The following CSTPP1 variants were observed in gnomAD, a reference collection of about 807,000 sequenced individuals.
CSTPP1 encodes UPF0705 protein C11orf49.
the CSTPP1 span, among the ~76,000 whole-genome samples, chr11:47,030,255 C>G: frequency 6.6e-6 from 1 of 152,134 alleles, no homozygotes; most frequent in Non-Finnish European, 1.5e-5. Context: ...GGAGAATGGC[C>G]TAGGAAGACT....
At chr11:47,112,227 A>C in the CSTPP1 span, among the ~76,000 whole-genome samples, 1 of 152,074 alleles carries the variant, frequency 6.6e-6, no homozygotes, top group Non-Finnish European at 1.5e-5. Context: ...CATATTCCCT[A>C]TCTCTGACTT....
chr11:47,050,834 T>C, the CSTPP1 span, among the ~76,000 whole-genome samples: 2 of 152,220 alleles, frequency 1.3e-5, no homozygotes, highest in African/African-American at 2.4e-5. Flanking sequence ...GCCCCTCTTC[T>C]AACCTAATCT....
At chr11:47,018,347 T>G in the CSTPP1 span, among the ~76,000 whole-genome samples, 1 of 144,566 alleles carries the variant, frequency 6.9e-6, no homozygotes, top group Non-Finnish European at 1.5e-5. Context: ...CAGGCTGGAA[T>G]GCAGTGGTGC....
the CSTPP1 span, among the ~76,000 whole-genome samples, chr11:47,013,246 T>G: frequency 1.3e-5 from 2 of 149,540 alleles, no homozygotes; most frequent in Non-Finnish European, 3.0e-5. Flanking sequence ...TTGTTGTTGT[T>G]TTGTTTTGTT....
At chr11:47,162,311 C>G in the CSTPP1 span, 6 of 956,216 alleles carry the variant, frequency 6.3e-6, no homozygotes, top group African/African-American at 1.1e-4. Flanking sequence ...GTTTTCGGTG[C>G]TTTTCTGGTA....
chr11:47,055,354 T>TCCCTC, the CSTPP1 span, among the ~76,000 whole-genome samples: 1 of 64,646 alleles, frequency 1.5e-5, no homozygotes, highest in Non-Finnish European at 3.1e-5. Context: ...TTCCCCTCCC[T>TCCCTC]CCCTCCCCTC....
At chr11:47,162,195 C>G in the CSTPP1 span, 100 of 985,518 alleles carry the variant, frequency 1.0e-4, 3 homozygotes, top group East Asian at 4.5e-3. Context: ...CCCTTTGTGT[C>G]TAATAGCTAA....
the CSTPP1 span, among the ~76,000 whole-genome samples, chr11:47,088,409 C>T: frequency 6.6e-6 from 1 of 152,048 alleles, no homozygotes; most frequent in Non-Finnish European, 1.5e-5. Flanking sequence ...TTCTTAGATT[C>T]CTGGAAAACA....
At chr11:47,063,128 CTCTT>C in the CSTPP1 span, among the ~76,000 whole-genome samples, 5 of 152,116 alleles carry the variant, frequency 3.3e-5, no homozygotes, top group African/African-American at 1.2e-4. Context: ...TTAATAGATT[CTCTT>C]TCTCTTTTCT....
chr11:47,029,923 C>A, the CSTPP1 span, among the ~76,000 whole-genome samples: 2 of 148,806 alleles, frequency 1.3e-5, no homozygotes, highest in Non-Finnish European at 3.0e-5. Flanking sequence ...CATAGTGAGG[C>A]CTCGTCTCTA....
the CSTPP1 span, among the ~76,000 whole-genome samples, chr11:47,067,663 C>A: frequency 2.0e-5 from 3 of 152,208 alleles, no homozygotes; most frequent in Non-Finnish European, 4.4e-5. Context: ...AGGAGAGAGC[C>A]TTTACCAGAC....
the CSTPP1 span, among the ~76,000 whole-genome samples, chr11:46,980,159 T>G: frequency 6.6e-6 from 1 of 152,170 alleles, no homozygotes; most frequent in Non-Finnish European, 1.5e-5. Context: ...CTGTTTTGAG[T>G]GTCAAGGCAC....
chr11:47,096,114 C>T, the CSTPP1 span, among the ~76,000 whole-genome samples: 1 of 152,154 alleles, frequency 6.6e-6, no homozygotes, highest in East Asian at 1.9e-4. Context: ...TGGGGAACTG[C>T]TTAGGTCCAC....
chr11:47,113,113 A>AAGTGG, the CSTPP1 span, among the ~76,000 whole-genome samples: 1 of 152,170 alleles, frequency 6.6e-6, no homozygotes, highest in Non-Finnish European at 1.5e-5. Context: ...TCCTTGTGAC[A>AAGTGG]GTTTTCTGAG....
chr11:47,065,073 G>A, the CSTPP1 span, among the ~76,000 whole-genome samples: 10 of 152,238 alleles, frequency 6.6e-5, 1 homozygote, highest in East Asian at 1.9e-3. Flanking sequence ...AGAAATGTGA[G>A]TCATCCAACT....
the CSTPP1 span, among the ~76,000 whole-genome samples, chr11:47,010,454 C>G: frequency 6.6e-6 from 1 of 152,194 alleles, no homozygotes; most frequent in Non-Finnish European, 1.5e-5. Flanking sequence ...GCTTATGGAT[C>G]AGACTGTTGT....
the CSTPP1 span, among the ~76,000 whole-genome samples, chr11:47,025,058 C>T: frequency 2.0e-5 from 3 of 151,950 alleles, no homozygotes; most frequent in African/African-American, 7.3e-5. Flanking sequence ...GCCTATAGTG[C>T]CCTTATTTTA....
the CSTPP1 span, among the ~76,000 whole-genome samples, chr11:47,075,127 T>C: frequency 6.6e-6 from 1 of 152,124 alleles, no homozygotes; most frequent in Non-Finnish European, 1.5e-5. Flanking sequence ...TCCCAGGACT[T>C]TGGGGAGGCC....
At chr11:47,121,912 C>CA in the CSTPP1 span, among the ~76,000 whole-genome samples, 900 of 144,634 alleles carry the variant, frequency 6.2e-3, 6 homozygotes, top group African/African-American at 0.019. Flanking sequence ...GACATCCCTA[C>CA]AAAAAAAAAA....
Sources: allele counts gnomAD v4.1 joint callset (sites outside exome capture counted in the v4.1 genomes callset), GRCh38; gene constraint gnomAD v4.1.1; transcripts MANE v1.5; gene names NCBI Gene and HGNC (gene_info 2026-07-23, HGNC 2026-07-21).